Variants in ZBTB46 observed in about 807,000 individuals in gnomAD.
ZBTB46 encodes the protein zinc finger and BTB domain-containing protein 46.
In ZBTB46, 8 loss-of-function variants were observed where a neutral mutation model predicts 44.1. The observed-to-expected ratio is 0.18, with a 90% confidence interval of 0.11 to 0.33. ZBTB46 has a LOEUF of 0.33. Among genes scored for constraint, ZBTB46 ranks in the 10% least tolerant of loss-of-function variants. ZBTB46 has a pLI of 1.00. For missense variants in ZBTB46, 651 were observed against 847.7 expected, an observed-to-expected ratio of 0.77 and a Z score of 2.88; for synonymous variants, 409 against 382.3, an observed-to-expected ratio of 1.07 and a Z score of -0.81.
chr20:63,791,590 C>T (rs2092561608), intron 1 of ZBTB46, among the ~76,000 whole-genome samples: 1 of 150,162 alleles, frequency 6.7e-6, no homozygotes, highest in Non-Finnish European at 1.5e-5. Context: ...ATTTCCAAAA[C>T]TCTGAGCTCA....
At chr20:63,829,047 G>A (rs986443812) in intron 1 of ZBTB46, among the ~76,000 whole-genome samples, 68 of 152,228 alleles carry the variant, frequency 4.5e-4, no homozygotes, top group Non-Finnish European at 2.4e-4. Flanking sequence ...TACATCGTCT[G>A]ACAATAACAA....
At chr20:63,823,505 T>A (rs1434323764) in intron 1 of ZBTB46, among the ~76,000 whole-genome samples, 3 of 150,380 alleles carry the variant, frequency 2.0e-5, no homozygotes, top group Non-Finnish European at 3.0e-5. Context: ...CTCAAAAAAA[T>A]AAATAAATAA....
chr20:63,804,788 A>AG (rs2092671139), intron 1 of ZBTB46, among the ~76,000 whole-genome samples: 1 of 151,756 alleles, frequency 6.6e-6, no homozygotes, highest in Non-Finnish European at 1.5e-5. Flanking sequence ...GCTACTCGGG[A>AG]GGCTGAGGCA....
intron 1 of ZBTB46, among the ~76,000 whole-genome samples, chr20:63,818,058 A>G (rs2092770239): frequency 6.6e-6 from 1 of 152,196 alleles, no homozygotes; most frequent in Non-Finnish European, 1.5e-5. Flanking sequence ...GCACGGCACC[A>G]CGCTCTGAGT....
At chr20:63,792,183 G>T (rs1289140049) in intron 1 of ZBTB46, among the ~76,000 whole-genome samples, 3 of 152,054 alleles carry the variant, frequency 2.0e-5, no homozygotes, top group African/African-American at 7.3e-5. Flanking sequence ...TCACATTCTG[G>T]GGTCCTAGGG....
chr20:63,790,332 C>G lies in ZBTB46; in HGVS notation c.426G>C (p.Ala142=), dbSNP rs373457237. The G allele has an allele frequency of 3.1e-6, 5 of 1,613,204 alleles. No individual in the cohort carries two copies. Among genetic ancestry groups the G allele is most frequent in the Middle Eastern group, 3.3e-4 (2 of 6,062 alleles). The change falls in exon 2 of 5, where the codon GCG becomes GCC. Residue 142 remains alanine, a synonymous_variant. Coordinates refer to ENST00000245663, the MANE Select transcript of ZBTB46 (RefSeq NM_001369741.1). ...TGGACGAGGCGCCGATCTCGAACTC[C>G]GCAAGCTCATCTGAGGCGTCCGACT... ...SIKSDASDEL[A]EFEIGASSSS...
At chr20:63,771,241 G>A (rs1303626530) in intron 3 of ZBTB46, among the ~76,000 whole-genome samples, 1 of 152,144 alleles carries the variant, frequency 6.6e-6, no homozygotes, top group East Asian at 1.9e-4. Flanking sequence ...GGCCCCCGGG[G>A]CTCAGGGGCG....
In ZBTB46 at chr20:63,770,429, G is replaced by A. The variant is rs145293870; in HGVS notation, c.1222+5249C>T. On this transcript the variant is annotated intron_variant, in intron 3 of 4. Coordinates refer to ENST00000245663, the MANE Select transcript of ZBTB46 (RefSeq NM_001369741.1). ...TCAACAGAATTGAATGAGAAGTATG[G>A]CAAGTCCTCTGACAGGGATGTCAGA... Among the ~76,000 whole-genome samples, 32 of 152,318 alleles carry A rather than the reference G, an allele frequency of 2.1e-4. No individual in the cohort carries two copies. In the East Asian group the frequency reaches 6.0e-3, roughly 28 times the overall value.
chr20:63,811,744 A>G (rs543465291), intron 1 of ZBTB46, among the ~76,000 whole-genome samples: 4 of 152,284 alleles, frequency 2.6e-5, no homozygotes, highest in Non-Finnish European at 5.9e-5. Flanking sequence ...TCCCTGCCAC[A>G]TGAGGACTCA....
chr20:63,782,688 A>C (rs529875545), intron 2 of ZBTB46, among the ~76,000 whole-genome samples: 495 of 152,132 alleles, frequency 3.3e-3, no homozygotes, highest in Non-Finnish European at 4.5e-3. Flanking sequence ...ATGCCCCACG[A>C]CCCACGCCCC....
chr20:63,746,264 G>A lies in ZBTB46; in HGVS notation c.*666C>T, dbSNP rs1408475922. 6.5e-6 allele frequency: 1 copy of A among 152,862 alleles called. No individual in the cohort carries two copies. Among genetic ancestry groups the A allele is most frequent in the Non-Finnish European group, 1.5e-5 (1 of 68,168 alleles). 9.5% of individuals were successfully genotyped at this position (152,862 alleles called of 1,614,324 possible). ...GCACAGGGCTGAGGGTCCCCTCCTG[G>A]AAGGAGCCCCCAGGGCTGTGTCCAC... On this transcript the variant is annotated 3_prime_UTR_variant, in exon 5 of 5. Transcript: ENST00000245663.
chr20:63,756,797 C>T lies in ZBTB46; in HGVS notation c.1223-3936G>A, dbSNP rs574012754. 3.9e-5 allele frequency among the ~76,000 whole-genome samples: 6 copies of T among 152,334 alleles called. No individual in the cohort carries two copies. In the South Asian group the frequency reaches 1.2e-3, roughly 32 times the overall value. ...GGATCCTACCCTCGTGTTGGGCTTT[C>T]TTCACTAGATGTGGCCCGCACTGCT... On this transcript the variant is annotated intron_variant, in intron 3 of 4. Transcript: ENST00000245663.
Position 63,775,954 on chromosome 20 carries a change from G to C in ZBTB46, c.946C>G (p.Leu316Val). ...PFSSRDSNADLSVTEASSSDS... is the reference protein window; with the variant it reads ...PFSSRDSNADVSVTEASSSDS... ...GAGCTGCTGGCTTCGGTGACGGACA[G>C]GTCCGCATCTGGGGACAGAGGGACA... Residue 316 changes from leucine to valine, a missense_variant, in exon 3 of 5, where the codon CTG (leucine) becomes GTG (valine). Physicochemically the swap from Leu to Val is conservative, Grantham distance 32. Transcript: ENST00000245663. 6.4e-7 allele frequency: 1 copy of C among 1,562,844 alleles called. No homozygotes were observed. The highest frequency in any genetic ancestry group is 8.6e-7 in the Non-Finnish European group (1 of 1,158,536).
intron 1 of ZBTB46, among the ~76,000 whole-genome samples, chr20:63,829,605 C>G (rs989458307): frequency 6.6e-6 from 1 of 152,226 alleles, no homozygotes; most frequent in Non-Finnish European, 1.5e-5. Flanking sequence ...CTCCTCAGTC[C>G]TTTCTGCAGT....
chr20:63,830,519 C>G (rs1269176753), intron 1 of ZBTB46, among the ~76,000 whole-genome samples: 1 of 150,430 alleles, frequency 6.6e-6, no homozygotes, highest in Non-Finnish European at 1.5e-5. Flanking sequence ...AGACAATGAC[C>G]CCCCGGCCTC....
At chr20:63,763,487 G>C (rs2092294125) in intron 3 of ZBTB46, among the ~76,000 whole-genome samples, 1 of 152,176 alleles carries the variant, frequency 6.6e-6, no homozygotes, top group Admixed American at 6.5e-5. Flanking sequence ...GTCGAAGAGG[G>C]AGCGAGCGTT....
chr20:63,832,863 C>T (rs549217225), upstream of ZBTB46, among the ~76,000 whole-genome samples: 7 of 152,226 alleles, frequency 4.6e-5, no homozygotes, highest in East Asian at 1.2e-3. The surrounding 1 kb of genome is among the most constrained non-coding windows in gnomAD (Gnocchi z 5.0). Context: ...TCACGTGCAT[C>T]CCCCTTGGAG....
intron 2 of ZBTB46, among the ~76,000 whole-genome samples, chr20:63,784,257 C>T (rs1348294743): frequency 3.9e-5 from 6 of 152,214 alleles, no homozygotes. Flanking sequence ...CGGCCTGGTC[C>T]AAGAAGCAGC....
upstream of ZBTB46, among the ~76,000 whole-genome samples, chr20:63,833,850 T>C (rs916956831): frequency 6.6e-6 from 1 of 152,208 alleles, no homozygotes; most frequent in African/African-American, 2.4e-5. Flanking sequence ...TACAGACCGT[T>C]ATTCCAAGAG....
Sources: gnomAD v4.1 joint callset for allele counts (sites outside exome capture counted in the v4.1 genomes callset) on GRCh38, gnomAD v4.1.1 for gene constraint, Gnocchi (gnomAD v3.1) non-coding constraint, MANE v1.5 for transcripts, NCBI Gene and HGNC (gene_info 2026-07-23, HGNC 2026-07-21) for gene names.